CHIA: variants seen among roughly 807,000 people sequenced by gnomAD.
CHIA encodes acidic mammalian chitinase.
Under a neutral mutation model 53.5 loss-of-function variants are expected in CHIA, and 47 were observed. That is an observed-to-expected ratio of 0.88 (90% CI 0.70 to 1.12). The LOEUF is 1.12. Among genes scored for constraint, CHIA ranks in the 50% most tolerant of loss-of-function variants. CHIA has a pLI of 0.00. For synonymous variants in CHIA, 268 were observed against 222.2 expected (o/e 1.21, Z -1.83); for missense variants, 652 against 592.2 (o/e 1.10, Z -1.05).
intron 6 of CHIA, chr1:111,316,869 T>G (rs1649203169): frequency 6.6e-6 from 1 of 152,222 alleles, no homozygotes; most frequent in South Asian, 2.1e-4. Context: ...ATTGCCCTAA[T>G]GATCATAAAG....
chr1:111,313,873 G>A (rs947582970), intron 4 of CHIA, among the ~76,000 whole-genome samples: 20 of 152,144 alleles, frequency 1.3e-4, no homozygotes, highest in Non-Finnish European at 2.8e-4. Context: ...ATCAGTAATG[G>A]CATTATCGTG....
chr1:111,318,528 A>C lies in CHIA; in HGVS notation c.765A>C (p.Ala255=). ...TGAACTACTGGAAGGACAATGGAGCACCAGCTGAGAAGCTCATCGTTGGAT... is the reference window on the plus strand; with the variant it reads ...TGAACTACTGGAAGGACAATGGAGCCCCAGCTGAGAAGCTCATCGTTGGAT... ...YVMNYWKDNG[A]PAEKLIVGFP... The change falls in exon 9 of 12, where the codon GCA becomes GCC. Residue 255 remains alanine (A), a synonymous_variant. Coordinates refer to ENST00000369740, the MANE Select transcript of CHIA (RefSeq NM_201653.4). The C allele has an allele frequency of 3.7e-6, 6 of 1,614,180 alleles. No individual in the cohort carries two copies. The highest frequency in any genetic ancestry group is 5.1e-6 in the Non-Finnish European group (6 of 1,180,002).
chr1:111,298,983 T>A (rs1012400440), intron 1 of CHIA, among the ~76,000 whole-genome samples: 24 of 151,798 alleles, frequency 1.6e-4, no homozygotes, highest in Non-Finnish European at 2.9e-4. Context: ...AACCAGAAAA[T>A]CTAGAATAAA....
rs1010536704 is a variant in CHIA, at chr1:111,314,655, G to A, written c.314+59G>A. The A allele has an allele frequency of 5.1e-6, 6 of 1,170,086 alleles. No individual in the cohort carries two copies. In the African/African-American group the frequency reaches 6.1e-5, roughly 12 times the overall value. 72.5% of individuals were successfully genotyped at this position (1,170,086 alleles called of 1,614,324 possible). ...GCTATGGAAAACAAGTTAGCCCCATGTGATCACTGTCCCTTTAGACTTCAC... is the reference window on the plus strand; with the variant it reads ...GCTATGGAAAACAAGTTAGCCCCATATGATCACTGTCCCTTTAGACTTCAC... On this transcript the variant is annotated intron_variant, in intron 5 of 11. Coordinates refer to ENST00000369740, the MANE Select transcript of CHIA (RefSeq NM_201653.4).
At chr1:111,315,063 G>T (rs2820073) in intron 5 of CHIA, 2 of 520,678 alleles carry the variant, frequency 3.8e-6, no homozygotes, top group African/African-American at 1.9e-5. Flanking sequence ...CAGAGTTGGG[G>T]GGATAACAGA....
rs760579969 is a variant in CHIA, at chr1:111,320,292, C to A, written c.1257C>A (p.Ser419Arg). Reference protein sequence around the residue: ...SGSGNGSGSSSSGGSSGGSGF... With the variant: ...SGSGNGSGSSRSGGSSGGSGF... ...GCGGGAACGGGAGCGGGAGTAGCAGCTCTGGAGGCAGCTCGGGAGGCAGTG... is the reference window on the plus strand; with the variant it reads ...GCGGGAACGGGAGCGGGAGTAGCAGATCTGGAGGCAGCTCGGGAGGCAGTG... The change falls in exon 12 of 12, where the codon AGC becomes AGA. Residue 419 changes from serine (S) to arginine (R), a missense_variant. Physicochemically the swap from Ser to Arg is moderately radical, Grantham distance 110. Coordinates refer to ENST00000369740, the MANE Select transcript of CHIA (RefSeq NM_201653.4). The A allele has an allele frequency of 5.0e-6, 8 of 1,614,116 alleles. 1 individual carries two copies. The South Asian group carries it at 8.8e-5, about 18-fold the overall frequency.
At chr1:111,319,016 T>C (rs1421173191) in intron 9 of CHIA, 104 bp from the exon 10 acceptor site, 5 of 1,442,602 alleles carry the variant, frequency 3.5e-6, no homozygotes, top group African/African-American at 1.4e-5. Context: ...AACTAGAAAT[T>C]GAGCAAAACC....
intron 6 of CHIA, 42 bp from the exon 7 acceptor site, chr1:111,317,639 A>T (rs768326220): frequency 6.2e-7 from 1 of 1,610,768 alleles, no homozygotes; most frequent in Non-Finnish European, 8.5e-7. Context: ...AGGAGCTAAA[A>T]TCAGCATCAT....
intron 1 of CHIA, among the ~76,000 whole-genome samples, chr1:111,309,620 G>A (rs1648500398): frequency 6.6e-6 from 1 of 152,212 alleles, no homozygotes; most frequent in Non-Finnish European, 1.5e-5. Flanking sequence ...GCATGTTTGA[G>A]GGCAAAGAAT....
intron 6 of CHIA, chr1:111,315,748 G>A (rs904870248): frequency 1.1e-5 from 5 of 470,358 alleles, no homozygotes; most frequent in Admixed American, 2.3e-5. Context: ...GGAAACTAAA[G>A]TACAGAGAGG....
chr1:111,313,406 T>C (rs936786093), intron 4 of CHIA, among the ~76,000 whole-genome samples: 2 of 152,236 alleles, frequency 1.3e-5, no homozygotes, highest in African/African-American at 4.8e-5. Flanking sequence ...ATTAGTGATG[T>C]TGAGCATTTT....
intron 1 of CHIA, among the ~76,000 whole-genome samples, chr1:111,293,714 T>G (rs1661166967): frequency 6.6e-6 from 1 of 152,220 alleles, no homozygotes; most frequent in Non-Finnish European, 1.5e-5. Flanking sequence ...AATTTTATAC[T>G]TTTACATCTT....
Position 111,317,722 on chromosome 1 carries a change from C to G in CHIA, c.522C>G (p.Asn174Lys), listed in dbSNP as rs200617710. 9 of 1,614,096 alleles carry G rather than the reference C, an allele frequency of 5.6e-6. No individual in the cohort carries two copies. The East Asian group carries it at 1.6e-4, about 28-fold the overall frequency. The change falls in exon 7 of 12, where the codon AAC becomes AAG. Residue 174 changes from asparagine (N) to lysine (K), a missense_variant. Asn to Lys is a moderately conservative substitution (Grantham distance 94, BLOSUM62 0). Transcript: ENST00000369740. ...TTGAGCAGGAGGCCAAGCAGATCAA[C>G]AAGCCCAGGCTGATGGTCACTGCTG... ...EAFEQEAKQINKPRLMVTAAV... is the reference protein window; with the variant it reads ...EAFEQEAKQIKKPRLMVTAAV...
At chr1:111,317,941 GGAAAT>G (rs1173804368) in intron 7 of CHIA, 40 bp from the exon 8 acceptor site, 2 of 1,613,320 alleles carry the variant, frequency 1.2e-6, no homozygotes, top group African/African-American at 2.7e-5. Flanking sequence ...CATAGGTGTG[GGAAAT>G]GACCATCAGA....
rs139049243 is a variant in CHIA at position 111,312,029 on chromosome 1, G to C, written c.56-161G>C. 1.3e-4 allele frequency among the ~76,000 whole-genome samples: 20 copies of C among 152,302 alleles called. No homozygotes were observed. The East Asian group carries it at 3.7e-3, about 28-fold the overall frequency. ...CAAGTTAGTGACCAGTTCTGAGTTA[G>C]AATCTTAGGATGCATTTGCAAGAGT... On this transcript the variant is annotated intron_variant, in intron 3 of 11. Transcript: ENST00000369740.
At position 111,317,849 on chromosome 1, in the gene CHIA, G is replaced by A. The variant is rs200035540; in HGVS notation, c.605+44G>A. The A allele has an allele frequency of 3.7e-4, 599 of 1,613,094 alleles. 3 individuals are homozygous for A. Among genetic ancestry groups the A allele is most frequent in the Middle Eastern group, 1.8e-3 (11 of 5,984 alleles). On this transcript the variant is annotated intron_variant, in intron 7 of 11. Coordinates refer to ENST00000369740, the MANE Select transcript of CHIA (RefSeq NM_201653.4). ...CTTCAAACTCCTGGAGGTGTCACTC[G>A]GGCACACTAGACTTGTCCTTGGTCT...
intron 1 of CHIA, among the ~76,000 whole-genome samples, chr1:111,301,527 G>A (rs1239508414): frequency 2.6e-5 from 4 of 151,578 alleles, no homozygotes; most frequent in East Asian, 1.9e-4. Context: ...GTGAAACCCC[G>A]TCTCTACTTA....
chr1:111,320,071 A>T, intron 11 of CHIA, 142 bp from the exon 12 acceptor site: 1 of 675,462 alleles, frequency 1.5e-6, no homozygotes, highest in Non-Finnish European at 2.6e-6. Flanking sequence ...ATATGGAGCT[A>T]CTTTCTCTTC....
At chr1:111,299,011 A>G (rs186246822) in intron 1 of CHIA, among the ~76,000 whole-genome samples, 26 of 152,316 alleles carry the variant, frequency 1.7e-4, no homozygotes, top group African/African-American at 6.0e-4. Flanking sequence ...ATTCCTGGAC[A>G]CATACATCCT....
Sources: allele counts gnomAD v4.1 joint callset (sites outside exome capture counted in the v4.1 genomes callset), GRCh38; gene constraint gnomAD v4.1.1; transcripts MANE v1.5; gene names NCBI Gene and HGNC (gene_info 2026-07-23, HGNC 2026-07-21).